Variants in GEMIN7 observed in about 807,000 individuals in gnomAD.
The protein encoded by GEMIN7 is gem nuclear organelle associated protein 7.
In GEMIN7, 7 loss-of-function variants were observed where a neutral mutation model predicts 7.8. The ratio of observed to expected loss-of-function variants is 0.90; its 90% CI spans 0.51 to 1.69. The LOEUF is 1.69. Among genes scored for constraint, GEMIN7 ranks in the 40% most tolerant of loss-of-function variants. GEMIN7 has a pLI of 0.00. For missense variants in GEMIN7, 159 were observed against 176.2 expected, an observed-to-expected ratio of 0.90 and a Z score of 0.55; for synonymous variants, 68 against 72.4, an observed-to-expected ratio of 0.94 and a Z score of 0.31.
intron 2 of GEMIN7, among the ~76,000 whole-genome samples, chr19:45,089,633 C>T (rs866230432): frequency 6.6e-6 from 1 of 152,146 alleles, no homozygotes; most frequent in African/African-American, 2.4e-5. Context: ...ATCTCCTGGG[C>T]TCAACTAATC....
intron 2 of GEMIN7, among the ~76,000 whole-genome samples, chr19:45,081,610 T>C (rs1401055888): frequency 6.6e-6 from 1 of 151,846 alleles, no homozygotes; most frequent in Admixed American, 6.6e-5. Flanking sequence ...CCGAGGGCTC[T>C]TGACCTTTCT....
chr19:45,083,164 C>T (rs1422259106), intron 2 of GEMIN7, among the ~76,000 whole-genome samples: 1 of 152,116 alleles, frequency 6.6e-6, no homozygotes, highest in Non-Finnish European at 1.5e-5. Context: ...ATATGTTGCC[C>T]GCTGGGCGCG....
intron 2 of GEMIN7, among the ~76,000 whole-genome samples, chr19:45,089,894 C>T (rs1967832541): frequency 6.6e-6 from 1 of 152,178 alleles, no homozygotes; most frequent in Admixed American, 6.5e-5. Context: ...AAGGTCCTTG[C>T]CTTCACGGGG....
At chr19:45,079,246 G>T (rs1967418201), upstream of GEMIN7, 1 of 152,340 alleles carries the variant, frequency 6.6e-6, no homozygotes, top group South Asian at 2.1e-4. Context: ...GGGGGCGCCG[G>T]CGGAAGTGGG....
intron 2 of GEMIN7, among the ~76,000 whole-genome samples, chr19:45,081,188 C>T (rs1199338894): frequency 1.3e-5 from 2 of 151,994 alleles, no homozygotes; most frequent in African/African-American, 2.4e-5. Context: ...AATGCAAGGC[C>T]GGGCACGGTG....
chr19:45,089,804 C>T (rs1424978625), intron 2 of GEMIN7, among the ~76,000 whole-genome samples: 1 of 152,232 alleles, frequency 6.6e-6, no homozygotes, highest in African/African-American at 2.4e-5. Context: ...CAGGCATGAG[C>T]CACCATGCCT....
Position 45,080,758 on chromosome 19 carries a change from GTTTTTTGTTTTT to G in GEMIN7, c.-9+736_-9+747del, listed in dbSNP as rs1487575077. Among the ~76,000 whole-genome samples, 8 of 121,312 alleles carry G rather than the reference GTTTTTTGTTTTT, an allele frequency of 6.6e-5. No individual in the cohort carries two copies. In the East Asian group the frequency reaches 8.9e-4, roughly 13 times the overall value. The allele number at this position is 121,312 out of a possible 152,430, so 79.6% of individuals were successfully genotyped here. On this transcript the variant is annotated intron_variant, in intron 2 of 2. Coordinates refer to ENST00000270257, the MANE Select transcript of GEMIN7 (RefSeq NM_024707.3). ...GCATCAATATGACCAAATCTCCCTT[GTTTTTTGTTTTT>G]TTTTTTTTTTTTCCTGATGGAGAAA...
chr19:45,075,748 T>C, upstream of GEMIN7: 2 of 1,614,094 alleles, frequency 1.2e-6, no homozygotes, highest in Non-Finnish European at 1.7e-6. Flanking sequence ...TCTGAAGAGC[T>C]GACAGCCCAG....
intron 2 of GEMIN7, among the ~76,000 whole-genome samples, chr19:45,082,036 G>A (rs767490053): frequency 2.6e-5 from 4 of 152,122 alleles, no homozygotes; most frequent in East Asian, 1.9e-4. Flanking sequence ...TCCTCATTGC[G>A]TTCCTAGTGT....
In GEMIN7 at chr19:45,080,758, G is replaced by GTTTTTTTT. The variant is rs199542404; in HGVS notation, c.-9+735_-9+736insTTTTTTTT. On this transcript the variant is annotated intron_variant, in intron 2 of 2. Transcript: ENST00000270257. The stretch of plus-strand genomic sequence containing the variant: ...GCATCAATATGACCAAATCTCCCTT[G>GTTTTTTTT]TTTTTTGTTTTTTTTTTTTTTTTTC... Among the ~76,000 whole-genome samples, 11 of 121,310 alleles carry GTTTTTTTT rather than the reference G, an allele frequency of 9.1e-5. 2 individuals carry two copies. The highest frequency in any genetic ancestry group is 1.7e-4 in the Admixed American group (2 of 11,880). The allele number at this position is 121,310 out of a possible 152,430, so 79.6% of individuals were successfully genotyped here. A position where few individuals can be genotyped will look rare whatever the true frequency, so the allele number is the denominator to read the frequency against.
At chr19:45,076,416 G>A (rs1463440979), upstream of GEMIN7, 2 of 1,218,716 alleles carry the variant, frequency 1.6e-6, no homozygotes, top group African/African-American at 3.1e-5. The surrounding 1 kb of genome is among the most constrained non-coding windows in gnomAD (Gnocchi z 4.9). Context: ...AGGCAGGCAG[G>A]CGGGCGGGCG....
At chr19:45,083,225 G>T (rs1159936356) in intron 2 of GEMIN7, among the ~76,000 whole-genome samples, 1 of 152,160 alleles carries the variant, frequency 6.6e-6, no homozygotes, top group African/African-American at 2.4e-5. Flanking sequence ...CTGGGGGTGG[G>T]TCACCTGAGA....
chr19:45,078,097 C>CTTT (rs57149861), upstream of GEMIN7, among the ~76,000 whole-genome samples: 436 of 96,576 alleles, frequency 4.5e-3, 10 homozygotes, highest in East Asian at 0.01. Flanking sequence ...TTATTTTACT[C>CTTT]TTTTTTTTTT....
chr19:45,076,284 G>T (rs773124680), upstream of GEMIN7: 2 of 1,480,174 alleles, frequency 1.4e-6, no homozygotes. The surrounding 1 kb of genome is among the most constrained non-coding windows in gnomAD (Gnocchi z 4.9). Context: ...GTTCGATGAC[G>T]AGGTCCTGCA....
At chr19:45,076,070 G>T (rs753498815), upstream of GEMIN7, 10 of 1,581,146 alleles carry the variant, frequency 6.3e-6, no homozygotes, top group Non-Finnish European at 8.6e-6. The surrounding 1 kb of genome is among the most constrained non-coding windows in gnomAD (Gnocchi z 4.9). Context: ...GGCCCGGGGT[G>T]CTCACCGGGA....
chr19:45,076,008 C>T (rs1347426930), upstream of GEMIN7: 2 of 1,566,936 alleles, frequency 1.3e-6, no homozygotes, highest in African/African-American at 1.4e-5. This position sits in a 1 kb window ranked among gnomAD's most constrained non-coding sequence, Gnocchi z 4.9. Flanking sequence ...GGGCCCATGC[C>T]CAAAGGGAAG....
intron 2 of GEMIN7, among the ~76,000 whole-genome samples, chr19:45,086,747 T>C (rs572332600): frequency 7.9e-5 from 12 of 152,310 alleles, no homozygotes; most frequent in African/African-American, 2.4e-4. Context: ...TAGGCAGCAA[T>C]TGGGGCTATT....
chr19:45,083,040 T>A (rs1967553857), intron 2 of GEMIN7, among the ~76,000 whole-genome samples: 1 of 152,232 alleles, frequency 6.6e-6, no homozygotes, highest in African/African-American at 2.4e-5. Context: ...ATGGCTGCTG[T>A]TGTGCTACTG....
chr19:45,076,515 G>C (rs1396715569), upstream of GEMIN7: 4 of 582,348 alleles, frequency 6.9e-6, no homozygotes, highest in Non-Finnish European at 9.9e-6. The surrounding 1 kb of genome is among the most constrained non-coding windows in gnomAD (Gnocchi z 4.9). Context: ...CGTGCTGGCC[G>C]GGCCCGTGGC....
Sources: gnomAD v4.1 joint callset for allele counts (sites outside exome capture counted in the v4.1 genomes callset) on GRCh38, gnomAD v4.1.1 for gene constraint, Gnocchi (gnomAD v3.1) non-coding constraint, MANE v1.5 for transcripts, NCBI Gene and HGNC (gene_info 2026-07-23, HGNC 2026-07-21) for gene names.